Variants in SCN11A observed in about 807,000 individuals in gnomAD.
SCN11A encodes the protein sodium voltage-gated channel alpha subunit 11.
Under a neutral mutation model 162.2 loss-of-function variants are expected in SCN11A, and 122 were observed. The observed-to-expected ratio is 0.75, with a 90% CI of 0.65 to 0.87. The LOEUF (loss-of-function observed/expected upper bound fraction) is 0.87. Ranked by LOEUF, SCN11A falls within the 40% of genes least tolerant of loss-of-function variation. The pLI is 0.00. For missense variants in SCN11A, 2,015 were observed against 2,181.6 expected, an observed-to-expected ratio of 0.92 and a Z score of 1.52; for synonymous variants, 758 against 751.5, an observed-to-expected ratio of 1.01 and a Z score of -0.14.
chr3:38,889,154 G>C (rs922030911), intron 19 of SCN11A, among the ~76,000 whole-genome samples: 1 of 152,052 alleles, frequency 6.6e-6, no homozygotes. Context: ...GGCCAGGCAC[G>C]GTGGCTTATG....
chr3:39,023,894 T>A (rs939487380), intron 2 of SCN11A, among the ~76,000 whole-genome samples: 1 of 152,104 alleles, frequency 6.6e-6, no homozygotes, highest in Non-Finnish European at 1.5e-5. Flanking sequence ...CTGCCCGCCT[T>A]GGCCTCCCAA....
intron 3 of SCN11A, among the ~76,000 whole-genome samples, chr3:38,959,187 A>G (rs2066716436): frequency 6.6e-6 from 1 of 152,204 alleles, no homozygotes; most frequent in South Asian, 2.1e-4. Flanking sequence ...AAATGCTTTA[A>G]ATGGATTATC....
intron 2 of SCN11A, among the ~76,000 whole-genome samples, chr3:38,980,669 G>A (rs927930652): frequency 6.6e-6 from 1 of 152,196 alleles, no homozygotes; most frequent in African/African-American, 2.4e-5. Flanking sequence ...GGCTTTTTGG[G>A]TTTTCTGGAG....
chr3:38,995,799 G>GTCTATCTATCTGTCTGTCTGTCTA (rs774413656), intron 2 of SCN11A, among the ~76,000 whole-genome samples: 32 of 131,480 alleles, frequency 2.4e-4, no homozygotes, highest in African/African-American at 9.0e-4. Flanking sequence ...ACAATAAATT[G>GTCTATCTATCTGTCTGTCTGTCTA]TCTATCTATC....
At chr3:39,031,989 A>G (rs1238129028) in intron 2 of SCN11A, among the ~76,000 whole-genome samples, 2 of 152,206 alleles carry the variant, frequency 1.3e-5, no homozygotes, top group African/African-American at 2.4e-5. Flanking sequence ...CTAACATAAA[A>G]ACAAACAAAA....
At chr3:38,957,107 C>T (rs1046882438) in intron 3 of SCN11A, among the ~76,000 whole-genome samples, 1 of 151,950 alleles carries the variant, frequency 6.6e-6, no homozygotes, top group East Asian at 1.9e-4. Flanking sequence ...GTTAGAGAGA[C>T]CCCCTACAAA....
intron 3 of SCN11A, among the ~76,000 whole-genome samples, chr3:38,958,924 T>C (rs2066714156): frequency 6.6e-6 from 1 of 152,248 alleles, no homozygotes; most frequent in Non-Finnish European, 1.5e-5. Context: ...GGATTATTTA[T>C]GGCCTTCTCT....
chr3:38,921,340 C>T (rs1028666573), intron 9 of SCN11A, 85 bp from the exon 10 acceptor site: 115 of 1,289,760 alleles, frequency 8.9e-5, no homozygotes, highest in Non-Finnish European at 1.2e-4. Context: ...ACTGAAGTCT[C>T]GGAAACTGTC....
Position 38,908,176 on chromosome 3 carries a change from T to G in SCN11A, c.1300-54A>C. On this transcript the variant is annotated intron_variant, in intron 13 of 29. Coordinates refer to ENST00000302328, the MANE Select transcript of SCN11A (RefSeq NM_001349253.2). ...ACAGATTACACCTCCTCATGAAACA[T>G]TGCAAATGACCCCGACCTGAGAGTG... 4 of 1,522,788 alleles carry G rather than the reference T, an allele frequency of 2.6e-6. No homozygotes were observed. In the South Asian group the frequency reaches 4.8e-5, roughly 18 times the overall value. The allele number at this position is 1,522,788 out of a possible 1,614,324, so 94.3% of individuals were successfully genotyped here.
rs756981846 is a variant in SCN11A at position 38,903,901 on chromosome 3, C to T, written c.1806G>A (p.Glu602=). Residue 602 remains glutamate, a synonymous_variant, in exon 16 of 30, where the codon GAG becomes GAA. Coordinates refer to ENST00000302328, the MANE Select transcript of SCN11A (RefSeq NM_001349253.2). ...TATTCAACATCTTCTCAAAACTGGC[C>T]TCCATCTTGTGATGCTCCATGGCCA... The part of the protein sequence containing the change: ...VFLAMEHHKM[E]ASFEKMLNIG... 6.2e-7 allele frequency: 1 copy of T among 1,611,332 alleles called. No individual in the cohort carries two copies. Among genetic ancestry groups the T allele is most frequent in the South Asian group, 1.1e-5 (1 of 90,206 alleles).
At chr3:38,858,663 T>C (rs1194425591) in intron 28 of SCN11A, among the ~76,000 whole-genome samples, 1 of 151,984 alleles carries the variant, frequency 6.6e-6, no homozygotes, top group Non-Finnish European at 1.5e-5. Context: ...ACAAATGAAA[T>C]TAACAGATAT....
intron 2 of SCN11A, among the ~76,000 whole-genome samples, chr3:39,018,662 C>T (rs1190577921): frequency 6.6e-6 from 1 of 151,886 alleles, no homozygotes; most frequent in Non-Finnish European, 1.5e-5. Context: ...ATTAAAAATA[C>T]AAAAAATTAG....
chr3:38,883,589 G>A (rs1039062938), intron 21 of SCN11A, among the ~76,000 whole-genome samples: 2 of 152,200 alleles, frequency 1.3e-5, no homozygotes, highest in South Asian at 4.1e-4. Flanking sequence ...TGGAATGGAA[G>A]TCACACTGTG....
At chr3:39,018,532 T>C (rs2031357124) in intron 2 of SCN11A, among the ~76,000 whole-genome samples, 1 of 152,050 alleles carries the variant, frequency 6.6e-6, no homozygotes, top group Non-Finnish European at 1.5e-5. Flanking sequence ...AAAATCATTG[T>C]TTTGGGCCAG....
At chr3:38,999,123 T>A (rs1451469195) in intron 2 of SCN11A, among the ~76,000 whole-genome samples, 1 of 152,192 alleles carries the variant, frequency 6.6e-6, no homozygotes, top group Non-Finnish European at 1.5e-5. Context: ...TTAACATGAA[T>A]CCACTTAAAT....
intron 19 of SCN11A, among the ~76,000 whole-genome samples, chr3:38,889,799 CAAAAAAATAAAATAA>C (rs1382586206): frequency 1.3e-4 from 16 of 118,550 alleles, no homozygotes; most frequent in African/African-American, 4.5e-4. Context: ...GACTCCATCT[CAAAAAAATAAAATAA>C]AATAAAATAA....
chr3:39,027,734 T>A (rs1056109489), intron 2 of SCN11A, among the ~76,000 whole-genome samples: 1 of 152,110 alleles, frequency 6.6e-6, no homozygotes, highest in Non-Finnish European at 1.5e-5. Context: ...AGTAAGGAGG[T>A]AGGAGAGTTC....
intron 19 of SCN11A, among the ~76,000 whole-genome samples, chr3:38,886,792 A>T (rs1448896975): frequency 1.3e-5 from 2 of 152,222 alleles, no homozygotes; most frequent in Non-Finnish European, 2.9e-5. Context: ...ATAATAAAAC[A>T]TATCACTACA....
At chr3:38,995,136 T>TC (rs2125595779) in intron 2 of SCN11A, among the ~76,000 whole-genome samples, 1 of 140,980 alleles carries the variant, frequency 7.1e-6, no homozygotes, top group African/African-American at 2.8e-5. Flanking sequence ...TTAAGAACTT[T>TC]TTTTTTTTTT....
Sources: gnomAD v4.1 joint callset for allele counts (sites outside exome capture counted in the v4.1 genomes callset) on GRCh38, gnomAD v4.1.1 for gene constraint, MANE v1.5 for transcripts, NCBI Gene and HGNC (gene_info 2026-07-23, HGNC 2026-07-21) for gene names.